The following SYNGR1 variants were observed in gnomAD, a reference collection of about 807,000 sequenced individuals.
SYNGR1 encodes the protein synaptogyrin 1.
A neutral mutation model predicts 26.1 loss-of-function variants in SYNGR1; 14 were observed. The ratio of observed to expected loss-of-function variants is 0.54; its 90% CI spans 0.35 to 0.84. The LOEUF (loss-of-function observed/expected upper bound fraction) is 0.84, where lower values mean the gene tolerates loss of function less well. SYNGR1 is among the 40% of genes least tolerant of loss of function. The pLI is 0.01. For missense variants in SYNGR1, 319 were observed against 332.9 expected (o/e 0.96, Z 0.33); for synonymous variants, 141 against 150.1 (o/e 0.94, Z 0.44).
At chr22:39,375,714 C>T in intron 2 of SYNGR1, 2 of 592,724 alleles carry the variant, frequency 3.4e-6, no homozygotes, top group Non-Finnish European at 6.0e-6. Context: ...TTGGCAGAGG[C>T]TGCAGAAATG....
intron 3 of SYNGR1, chr22:39,377,354 G>C: frequency 1.7e-5 from 17 of 985,438 alleles, no homozygotes; most frequent in Non-Finnish European, 2.0e-5. Context: ...CCTCAAGACT[G>C]GGTAGGAAGA....
intron 3 of SYNGR1, 132 bp downstream of exon 3, chr22:39,376,329 C>A: frequency 6.8e-7 from 1 of 1,478,156 alleles, no homozygotes; most frequent in Non-Finnish European, 9.3e-7. Context: ...CCCTCTTCTG[C>A]CTGCCTGTCT....
chr22:39,373,317 C>T (rs760186962), intron 1 of SYNGR1, among the ~76,000 whole-genome samples: 16 of 151,784 alleles, frequency 1.1e-4, no homozygotes, highest in Admixed American at 2.6e-4. Flanking sequence ...TACAGGCATC[C>T]GCCACCATGC....
chr22:39,379,061 C>G (rs1367752182), intron 3 of SYNGR1, among the ~76,000 whole-genome samples: 1 of 152,164 alleles, frequency 6.6e-6, no homozygotes, highest in African/African-American at 2.4e-5. Flanking sequence ...ACATTGCTCT[C>G]AAGGTTCATT....
chr22:39,385,246 A>T lies in SYNGR1; in HGVS notation c.*3332A>T. The T allele has an allele frequency of 2.7e-6, 1 of 368,166 alleles. No homozygotes were observed. Among genetic ancestry groups the T allele is most frequent in the Non-Finnish European group, 4.8e-6 (1 of 207,210 alleles). 22.8% of individuals were successfully genotyped at this position (368,166 alleles called of 1,614,324 possible). On this transcript the variant is annotated 3_prime_UTR_variant, in exon 4 of 4. Transcript: ENST00000328933. ...CGATGCACTTGACCTGACACTCCCC[A>T]TGTCCTGGTGCGCACAGCCCTTGTC...
chr22:39,369,609 G>A (rs1924926644), intron 1 of SYNGR1, among the ~76,000 whole-genome samples: 2 of 152,236 alleles, frequency 1.3e-5, no homozygotes, highest in South Asian at 4.1e-4. Flanking sequence ...CTGGGAATCA[G>A]GAGACCTGGG....
intron 1 of SYNGR1, among the ~76,000 whole-genome samples, chr22:39,365,677 G>A (rs1034436457): frequency 9.9e-5 from 15 of 152,234 alleles, no homozygotes; most frequent in Middle Eastern, 3.4e-3. Context: ...GACTGCTTCT[G>A]TATCCTCAGT....
intron 1 of SYNGR1, among the ~76,000 whole-genome samples, chr22:39,367,934 C>T (rs1447451059): frequency 7.9e-5 from 12 of 152,152 alleles, no homozygotes; most frequent in Non-Finnish European, 2.9e-5. Flanking sequence ...CATATTCCTT[C>T]CCACCTCATC....
At chr22:39,364,054 C>A in intron 1 of SYNGR1, 1 of 1,400,804 alleles carries the variant, frequency 7.1e-7, no homozygotes, top group Non-Finnish European at 9.8e-7. Flanking sequence ...CGTTAGCCGA[C>A]GCCCTGCAGT....
chr22:39,369,888 G>T (rs1373425363), intron 1 of SYNGR1, among the ~76,000 whole-genome samples: 2 of 152,192 alleles, frequency 1.3e-5, no homozygotes, highest in Non-Finnish European at 2.9e-5. Flanking sequence ...GCTGAACCAT[G>T]GGCTGAACAC....
intron 3 of SYNGR1, chr22:39,378,465 A>C: frequency 2.0e-6 from 2 of 985,056 alleles, no homozygotes; most frequent in Non-Finnish European, 2.4e-6. Flanking sequence ...CATGTGATGA[A>C]TCCTTGTTCC....
chr22:39,361,458 A>G (rs1247117234), intron 1 of SYNGR1, among the ~76,000 whole-genome samples: 2 of 151,328 alleles, frequency 1.3e-5, no homozygotes, highest in African/African-American at 4.9e-5. Flanking sequence ...ATCGGGGTCA[A>G]CCGATTCTCC....
rs1424476056 is a variant in SYNGR1 at position 39,381,943 on chromosome 22, C to T, written c.*29C>T. ...ACAGTGACCGCCTGCCCCCGCCCCT[C>T]CCCATCTGTCCCCTCTCTCCACACC... is the stretch of plus-strand genomic sequence containing the variant. On this transcript the variant is annotated 3_prime_UTR_variant, in exon 4 of 4. Coordinates refer to ENST00000328933, the MANE Select transcript of SYNGR1 (RefSeq NM_004711.5). 2 of 1,565,084 alleles carry T rather than the reference C, an allele frequency of 1.3e-6. No individual in the cohort carries two copies. Among genetic ancestry groups the T allele is most frequent in the South Asian group, 2.3e-5 (2 of 86,524 alleles).
chr22:39,365,750 T>A (rs1388135699), intron 1 of SYNGR1, among the ~76,000 whole-genome samples: 1 of 152,122 alleles, frequency 6.6e-6, no homozygotes, highest in African/African-American at 2.4e-5. Flanking sequence ...CTGCAAGGGA[T>A]GTGGCATTTG....
chr22:39,367,093 C>T lies in SYNGR1; in HGVS notation c.100-7223C>T, dbSNP rs191284237. The stretch of plus-strand genomic sequence containing the variant: ...CAAAGGTCGCTGCATCAGAGGCCTC[C>T]CTGGGCCCCCAGTCCGCCTCCTCTT... On this transcript the variant is annotated intron_variant, in intron 1 of 3. Transcript: ENST00000328933. Among the ~76,000 whole-genome samples, 26 of 152,342 alleles carry T rather than the reference C, an allele frequency of 1.7e-4. 2 individuals carry two copies. The East Asian group carries it at 5.0e-3, about 29-fold the overall frequency.
At chr22:39,374,113 A>G (rs145554377) in intron 1 of SYNGR1, among the ~76,000 whole-genome samples, 3,576 of 152,270 alleles carry the variant, frequency 0.023, 63 homozygotes, top group Middle Eastern at 0.051. Flanking sequence ...TGAGGAAGGA[A>G]GTGATTGACC....
intron 1 of SYNGR1, among the ~76,000 whole-genome samples, chr22:39,373,305 A>G (rs1925117938): frequency 6.6e-6 from 1 of 151,328 alleles, no homozygotes; most frequent in Admixed American, 6.6e-5. Flanking sequence ...AGTAGCTGGG[A>G]TTACAGGCAT....
Position 39,350,996 on chromosome 22 carries a change from C to T in SYNGR1, c.99+887C>T, listed in dbSNP as rs1008988703. 6.6e-6 allele frequency among the ~76,000 whole-genome samples: 1 copy of T among 152,092 alleles called. No homozygotes were observed. The highest frequency in any genetic ancestry group is 6.5e-5 in the Admixed American group (1 of 15,270). On this transcript the variant is annotated intron_variant, in intron 1 of 3. Coordinates refer to ENST00000328933, the MANE Select transcript of SYNGR1 (RefSeq NM_004711.5). The surrounding 1 kb of genome is among the most constrained non-coding windows in gnomAD (Gnocchi z 4.3). ...AGGGCTGAGTGGGCTCTTGTTCAGA[C>T]GGGTGGTCAGGGAGAGGATGGGTCA...
intron 1 of SYNGR1, among the ~76,000 whole-genome samples, chr22:39,369,857 C>T (rs1459211357): frequency 6.6e-6 from 1 of 152,236 alleles, no homozygotes; most frequent in Non-Finnish European, 1.5e-5. Context: ...CGGGCCACCA[C>T]TGCCCACCTC....
Sources: gnomAD v4.1 joint callset for allele counts (sites outside exome capture counted in the v4.1 genomes callset) on GRCh38, gnomAD v4.1.1 for gene constraint, Gnocchi (gnomAD v3.1) non-coding constraint, MANE v1.5 for transcripts, NCBI Gene and HGNC (gene_info 2026-07-23, HGNC 2026-07-21) for gene names.